Variants in ARSF observed in about 807,000 individuals in gnomAD.
The protein encoded by ARSF is arylsulfatase F.
Under a neutral mutation model 35.4 loss-of-function variants are expected in ARSF, and 33 were observed. That is an observed-to-expected ratio of 0.93 (90% confidence interval 0.71 to 1.25). The LOEUF (loss-of-function observed/expected upper bound fraction) is 1.25. ARSF is among the 50% of genes most tolerant of loss of function. ARSF has a pLI of 0.00. For missense variants in ARSF, 501 were observed against 480.2 expected (o/e 1.04, Z -0.40); for synonymous variants, 222 against 193.1 (o/e 1.15, Z -1.24).
At chrX:3,050,050 C>T (rs1220350088) in intron 1 of ARSF, among the ~76,000 whole-genome samples, 4 of 109,126 alleles carry the variant, frequency 3.7e-5, no homozygotes, top group African/African-American at 6.7e-5. Flanking sequence ...TTAGTAGAGA[C>T]GAAGTTTCAC....
At chrX:3,056,426 C>T (rs979732198) in intron 1 of ARSF, among the ~76,000 whole-genome samples, 5 of 109,916 alleles carry the variant, frequency 4.5e-5, no homozygotes, top group African/African-American at 1.3e-4. Context: ...CAGTCATGTG[C>T]CACCACACCT....
At chrX:3,064,461 T>C (rs1945581953) in intron 1 of ARSF, among the ~76,000 whole-genome samples, 1 of 111,492 alleles carries the variant, frequency 9.0e-6, no homozygotes, top group Admixed American at 9.5e-5. Context: ...TGGGATCTAA[T>C]TAAACTAAAG....
intron 1 of ARSF, among the ~76,000 whole-genome samples, chrX:3,054,384 G>T (rs1221374332): frequency 9.0e-6 from 1 of 111,665 alleles, no homozygotes; most frequent in Admixed American, 9.5e-5. Context: ...CCTCAGGAAT[G>T]TGGCTCCACA....
Position 3,097,938 on chromosome X carries a change from C to T in ARSF, c.968-3149C>T, listed in dbSNP as rs182847297. On this transcript the variant is annotated intron_variant, in intron 7 of 10. Transcript: ENST00000381127. ...GAGGCAGGAGAAATGCTTGAACCTG[C>T]GAAGCGGAGGTTGCAGTGAGCTGAG... 8.3e-4 allele frequency among the ~76,000 whole-genome samples: 91 copies of T among 109,437 alleles called. 1 individual carries two copies. The highest frequency in any genetic ancestry group is 2.8e-3 in the African/African-American group (83 of 30,088).
chrX:3,048,439 C>T (rs2089983839), intron 1 of ARSF, among the ~76,000 whole-genome samples: 1 of 112,211 alleles, frequency 8.9e-6, no homozygotes, highest in Admixed American at 9.5e-5. Flanking sequence ...ACTTCCTCTG[C>T]CTCATTGCTT....
At chrX:3,046,229 C>T (rs1385454762) in intron 1 of ARSF, among the ~76,000 whole-genome samples, 10 of 111,549 alleles carry the variant, frequency 9.0e-5, no homozygotes, top group East Asian at 8.5e-4. Context: ...AAAGGGAAGA[C>T]GGAGCCTCCA....
intron 6 of ARSF, among the ~76,000 whole-genome samples, chrX:3,085,846 G>A (rs987283686): frequency 2.7e-5 from 3 of 110,697 alleles, no homozygotes; most frequent in African/African-American, 9.9e-5. Flanking sequence ...GCCGAGGAGG[G>A]TGGATCATCT....
At chrX:3,061,232 C>A (rs1051078477) in intron 1 of ARSF, among the ~76,000 whole-genome samples, 2 of 111,213 alleles carry the variant, frequency 1.8e-5, no homozygotes, top group African/African-American at 6.5e-5. Flanking sequence ...AAATAAAATC[C>A]TTTACAGACA....
intron 10 of ARSF, among the ~76,000 whole-genome samples, chrX:3,111,873 T>G (rs1378325336): frequency 1.8e-5 from 2 of 110,029 alleles, no homozygotes; most frequent in Non-Finnish European, 3.8e-5. Context: ...ATCCCTCGCA[T>G]GCACAGTTCA....
intron 5 of ARSF, 150 bp from the exon 6 acceptor site, chrX:3,084,093 G>T: frequency 4.2e-6 from 3 of 720,878 alleles, no homozygotes; most frequent in Non-Finnish European, 5.9e-6. Flanking sequence ...AGTGGCACTC[G>T]GATTTTTTAG....
At position 3,112,544 on chromosome X, in the gene ARSF, C is replaced by T. The variant is rs375307714; in HGVS notation, c.1761C>T (p.Asn587=). The T allele has an allele frequency of 2.8e-5, 33 of 1,199,573 alleles. No homozygotes were observed. The highest frequency in any genetic ancestry group is 8.9e-5 in the East Asian group (3 of 33,580). Reference sequence around the variant, plus strand: ...AAGTCTCTCAGCCTCGGGGTCCTAACGAGAAGAGATAATTACAATCAGGCT... The same window carrying T: ...AAGTCTCTCAGCCTCGGGGTCCTAATGAGAAGAGATAATTACAATCAGGCT... The part of the protein sequence containing the change: ...EEEVSQPRGP[N]EKR The change falls in exon 11 of 11, where the codon AAC becomes AAT. Residue 587 remains asparagine, a synonymous_variant. Coordinates refer to ENST00000381127, the MANE Select transcript of ARSF (RefSeq NM_001201539.2).
In ARSF at chrX:3,057,521, C is replaced by T. The variant is rs763640630; in HGVS notation, c.-28-10552C>T. Among the ~76,000 whole-genome samples, 5 of 111,574 alleles carry T rather than the reference C, an allele frequency of 4.5e-5. No homozygotes were observed. The South Asian group carries it at 1.9e-3, about 43-fold the overall frequency. On this transcript the variant is annotated intron_variant, in intron 1 of 10. Transcript: ENST00000381127. ...GAATGTGGCTAGGGAGTGTCGTCAT[C>T]TTTACATCAAAGGCTATGCACAGAT...
At chrX:3,096,383 A>G (rs2090338264) in intron 7 of ARSF, among the ~76,000 whole-genome samples, 1 of 111,332 alleles carries the variant, frequency 9.0e-6, no homozygotes, top group African/African-American at 3.3e-5. Flanking sequence ...GAAAACTTGA[A>G]TACATGGAAA....
intron 1 of ARSF, among the ~76,000 whole-genome samples, chrX:3,048,446 G>T (rs1374446222): frequency 8.9e-6 from 1 of 112,160 alleles, no homozygotes; most frequent in Non-Finnish European, 1.9e-5. Context: ...CTGCCTCATT[G>T]CTTATGTAAA....
chrX:3,096,466 G>C (rs1156561839), intron 7 of ARSF, among the ~76,000 whole-genome samples: 1 of 111,303 alleles, frequency 9.0e-6, no homozygotes, highest in Non-Finnish European at 1.9e-5. Flanking sequence ...TCTGATTAGA[G>C]CATTAATTAC....
intron 9 of ARSF, among the ~76,000 whole-genome samples, chrX:3,109,024 G>GA (rs944207302): frequency 2.8e-5 from 3 of 108,492 alleles, no homozygotes; most frequent in South Asian, 4.0e-4. Flanking sequence ...CTCCAAGAAA[G>GA]AAAAAAAAAT....
At chrX:3,040,594 G>A (rs1320646376), upstream of ARSF, among the ~76,000 whole-genome samples, 1 of 110,949 alleles carries the variant, frequency 9.0e-6, no homozygotes, top group Non-Finnish European at 1.9e-5. Flanking sequence ...ATTGCCAAAC[G>A]AGAGGCTGAC....
chrX:3,044,771 G>A (rs112402987), intron 1 of ARSF, among the ~76,000 whole-genome samples: 4,704 of 108,318 alleles, frequency 0.043, 237 homozygotes, highest in African/African-American at 0.15. Context: ...TTTCTTTTTC[G>A]TTTTTCTTCC....
At position 3,084,424 on chromosome X, in the gene ARSF, T is replaced by TG. The variant is rs1288873697; in HGVS notation, c.589dup (p.Ala197GlyfsTer65). 14 of 1,209,763 alleles carry TG rather than the reference T, an allele frequency of 1.2e-5. No individual in the cohort carries two copies. The Middle Eastern group carries it at 1.1e-3, about 99-fold the overall frequency. On this transcript the variant is annotated frameshift_variant, in exon 6 of 11. Coordinates refer to ENST00000381127, the MANE Select transcript of ARSF (RefSeq NM_001201539.2). LOFTEE classifies it high-confidence loss of function. The stretch of plus-strand genomic sequence containing the variant: ...AGCTCTGGCTCTGTGTGCAGCTAGT[T>TG]GCCATTGCCATCCTCACCCTAACCT...
Sources: allele counts gnomAD v4.1 joint callset (sites outside exome capture counted in the v4.1 genomes callset), GRCh38; gene constraint gnomAD v4.1.1; transcripts MANE v1.5; gene names NCBI Gene and HGNC (gene_info 2026-07-23, HGNC 2026-07-21).